Variants in FAM184A observed in about 807,000 individuals in gnomAD.
FAM184A encodes family with sequence similarity 184 member A, also known as protein FAM184A.
A neutral mutation model predicts 143.8 loss-of-function variants in FAM184A; 99 were observed. The observed-to-expected ratio is 0.69, with a 90% CI of 0.58 to 0.81. FAM184A has a LOEUF of 0.81. FAM184A is among the 40% of genes least tolerant of loss of function. The pLI, the probability that FAM184A is intolerant of heterozygous loss-of-function variation, is 0.00. For synonymous variants in FAM184A, 427 were observed against 446.4 expected (o/e 0.96, Z 0.55); for missense variants, 1,217 against 1,310.5 (o/e 0.93, Z 1.10).
intron 15 of FAM184A, among the ~76,000 whole-genome samples, chr6:118,965,177 A>G (rs1226397765): frequency 6.8e-6 from 1 of 147,718 alleles, no homozygotes; most frequent in Non-Finnish European, 1.5e-5. Context: ...GGCATGTGCC[A>G]CCATACCCAG....
At chr6:119,085,252 CA>C (rs1788187795) in intron 1 of FAM184A, among the ~76,000 whole-genome samples, 1 of 152,140 alleles carries the variant, frequency 6.6e-6, no homozygotes, top group South Asian at 2.1e-4. Flanking sequence ...CACATATGAG[CA>C]TACATTGAGA....
At chr6:119,141,237 G>A (rs1772222334) in intron 1 of FAM184A, among the ~76,000 whole-genome samples, 2 of 152,190 alleles carry the variant, frequency 1.3e-5, no homozygotes, top group Admixed American at 6.5e-5. Context: ...CTGCCTAGTC[G>A]AATTGCCCTG....
At chr6:119,144,030 G>T (rs990294948) in intron 1 of FAM184A, among the ~76,000 whole-genome samples, 3 of 152,102 alleles carry the variant, frequency 2.0e-5, no homozygotes, top group Non-Finnish European at 2.9e-5. Context: ...GATAGAACAG[G>T]CTGGTTTCCT....
In FAM184A at chr6:119,105,193, G is replaced by A. The variant is rs541923695; in HGVS notation, c.-202+43885C>T. Among the ~76,000 whole-genome samples the A allele has an allele frequency of 4.6e-5, 7 of 152,282 alleles. No individual in the cohort carries two copies. In the East Asian group the frequency reaches 1.2e-3, roughly 25 times the overall value. On this transcript the variant is annotated intron_variant, in intron 1 of 16. Coordinates refer to the FAM184A transcript ENST00000352896. Reference sequence around the variant, plus strand: ...ATAGTGTGTCATACTAATATAAAATGTTAACAACAGGGGAATCTGGGTGTG... The same window carrying A: ...ATAGTGTGTCATACTAATATAAAATATTAACAACAGGGGAATCTGGGTGTG...
At chr6:119,085,376 A>G (rs1788192408) in intron 1 of FAM184A, among the ~76,000 whole-genome samples, 1 of 152,210 alleles carries the variant, frequency 6.6e-6, no homozygotes, top group South Asian at 2.1e-4. Flanking sequence ...CAGGGGCACA[A>G]TCCAACCAAA....
At chr6:118,997,587 C>A (rs1784611905) in intron 9 of FAM184A, among the ~76,000 whole-genome samples, 1 of 151,888 alleles carries the variant, frequency 6.6e-6, no homozygotes, top group African/African-American at 2.4e-5. Flanking sequence ...ACTTGGGAGG[C>A]TGAGGCTGGA....
At chr6:119,144,707 C>A (rs1323408259) in intron 1 of FAM184A, among the ~76,000 whole-genome samples, 3 of 152,206 alleles carry the variant, frequency 2.0e-5, no homozygotes, top group Non-Finnish European at 4.4e-5. Flanking sequence ...TATGGACTGT[C>A]CCTGCCTCCA....
At position 119,022,941 on chromosome 6, in the gene FAM184A, A is replaced by C. The variant is rs1366493634; in HGVS notation, c.1150+4T>G. On this transcript the variant is annotated splice_donor_region_variant and intron_variant, in intron 3 of 17. Coordinates refer to ENST00000338891, the MANE Select transcript of FAM184A (RefSeq NM_024581.6). ...ATTACATCAAAAACTGTGGTCACACATACTAGCTTTGAGGACAAGATCTGA... is the reference window on the plus strand; with the variant it reads ...ATTACATCAAAAACTGTGGTCACACCTACTAGCTTTGAGGACAAGATCTGA... The C allele has an allele frequency of 1.2e-6, 2 of 1,614,118 alleles. No individual in the cohort carries two copies. The highest frequency in any genetic ancestry group is 2.2e-5 in the South Asian group (2 of 91,074).
chr6:119,095,675 C>T (rs1406251146), intron 1 of FAM184A, among the ~76,000 whole-genome samples: 1 of 152,158 alleles, frequency 6.6e-6, no homozygotes, highest in Non-Finnish European at 1.5e-5. Flanking sequence ...CCTCCCACCT[C>T]AGCCTCCTGT....
intron 9 of FAM184A, among the ~76,000 whole-genome samples, chr6:118,993,991 C>T (rs1279240585): frequency 6.6e-6 from 1 of 152,184 alleles, no homozygotes; most frequent in Non-Finnish European, 1.5e-5. Context: ...CTCTCACTCT[C>T]CAGAATAAAG....
At chr6:119,037,175 C>G (rs1786145499) in intron 1 of FAM184A, among the ~76,000 whole-genome samples, 1 of 152,088 alleles carries the variant, frequency 6.6e-6, no homozygotes, top group African/African-American at 2.4e-5. Context: ...GTTTGTATGC[C>G]TACAATGGTA....
chr6:119,087,918 A>G (rs79669799), intron 1 of FAM184A, among the ~76,000 whole-genome samples: 1,715 of 152,346 alleles, frequency 0.011, 20 homozygotes, highest in South Asian at 0.045. Context: ...TTCAATCTTA[A>G]AAAGAATGAC....
At chr6:119,098,615 T>C (rs1788567667) in intron 1 of FAM184A, among the ~76,000 whole-genome samples, 1 of 152,180 alleles carries the variant, frequency 6.6e-6, no homozygotes, top group Non-Finnish European at 1.5e-5. Context: ...TTGGAATTGG[T>C]TGAGGAAGGG....
chr6:119,141,494 A>T (rs673655), intron 1 of FAM184A, among the ~76,000 whole-genome samples: 2,150 of 135,304 alleles, frequency 0.016, 49 homozygotes, highest in African/African-American at 0.05. Context: ...ATTTTATTTT[A>T]TTTTTTTTGA....
chr6:118,972,883 T>A (rs1039282088), intron 14 of FAM184A, among the ~76,000 whole-genome samples: 1 of 152,272 alleles, frequency 6.6e-6, no homozygotes, highest in East Asian at 1.9e-4. Context: ...TGAGGTCTAT[T>A]GTAAATCATT....
In FAM184A at chr6:118,975,115, G is replaced by A. The variant is rs1455817687; in HGVS notation, c.2677C>T (p.Leu893Phe). Reference sequence around the variant, plus strand: ...GTTAGGGCACTTATATTCTCATGAAGGTGCTGAACCTCCTTATCCAATTCA... The same window carrying A: ...GTTAGGGCACTTATATTCTCATGAAAGTGCTGAACCTCCTTATCCAATTCA... The part of the protein sequence containing the change: ...ISELDKEVQH[L>F]HENISALTKE... Residue 893 changes from leucine to phenylalanine, a missense_variant, in exon 13 of 18, where the codon CTT becomes TTT. Transcript: ENST00000338891. The A allele has an allele frequency of 6.2e-7, 1 of 1,612,376 alleles. No individual in the cohort carries two copies. Among genetic ancestry groups the A allele is most frequent in the African/African-American group, 1.3e-5 (1 of 74,782 alleles).
In FAM184A at chr6:118,980,342, C is replaced by T. The variant is rs1562459585; in HGVS notation, c.2097G>A (p.Leu699=). 1 of 1,613,390 alleles carries T rather than the reference C, an allele frequency of 6.2e-7. No individual in the cohort carries two copies. The highest frequency in any genetic ancestry group is 2.2e-5 in the East Asian group (1 of 44,870). Residue 699 remains leucine (L), a synonymous_variant, in exon 10 of 18, where the codon TTG becomes TTA. Transcript: ENST00000338891. The part of the protein sequence containing the change: ...KVEDLLNQIS[L]LKQNLEIQLS... ...GCTGTATCTCCAGATTCTGTTTCAG[C>T]AAGGAAATCTATGCCCCAGAATGGT... is the stretch of plus-strand genomic sequence containing the variant.
rs117881627 is a variant in FAM184A, at chr6:119,126,067, C to A, written c.-202+23011G>T. Reference sequence around the variant, plus strand: ...CACAGGAATAAAATTAAGGTGTCAGCGAGGGCTGTGATTCTAATCTGAGGC... The same window carrying A: ...CACAGGAATAAAATTAAGGTGTCAGAGAGGGCTGTGATTCTAATCTGAGGC... On this transcript the variant is annotated intron_variant, in intron 1 of 16. Transcript: ENST00000352896. Among the ~76,000 whole-genome samples the A allele has an allele frequency of 1.6e-4, 24 of 152,252 alleles. No individual in the cohort carries two copies. The East Asian group carries it at 4.6e-3, about 29-fold the overall frequency.
chr6:119,076,661 T>C (rs1157521029), intron 1 of FAM184A, among the ~76,000 whole-genome samples: 2 of 152,208 alleles, frequency 1.3e-5, no homozygotes, highest in Admixed American at 6.5e-5. Context: ...GGGTTACATC[T>C]AAAATGAGAA....
Sources: allele counts gnomAD v4.1 joint callset (sites outside exome capture counted in the v4.1 genomes callset), GRCh38; gene constraint gnomAD v4.1.1; transcripts MANE v1.5; gene names NCBI Gene and HGNC (gene_info 2026-07-23, HGNC 2026-07-21).